The following UBE2V1 variants were observed in gnomAD, a reference collection of about 807,000 sequenced individuals.
UBE2V1 encodes ubiquitin-conjugating enzyme E2 variant 1.
In UBE2V1, 15 loss-of-function variants were observed where a neutral mutation model predicts 19.6. The ratio of observed to expected loss-of-function variants is 0.77; its 90% CI spans 0.51 to 1.18. UBE2V1 has a LOEUF of 1.18. UBE2V1 is among the 50% of genes most tolerant of loss of function. The pLI is 0.00. For synonymous variants in UBE2V1, 60 were observed against 60.7 expected (o/e 0.99, Z 0.05); for missense variants, 125 against 184.8 (o/e 0.68, Z 1.88).
intron 1 of UBE2V1, among the ~76,000 whole-genome samples, chr20:50,110,491 G>A (rs2080683011): frequency 2.0e-5 from 3 of 152,176 alleles, no homozygotes. Context: ...GACTAAGGAA[G>A]GCCTCTGGGC....
rs1277272254 is a variant in UBE2V1, at chr20:50,094,298, TA to T, written c.171+2373del. Among the ~76,000 whole-genome samples the T allele has an allele frequency of 2.1e-3, 167 of 81,118 alleles. 6 individuals carry two copies. Among genetic ancestry groups the T allele is most frequent in the African/African-American group, 7.5e-3 (121 of 16,050 alleles). The allele number at this position is 81,118 out of a possible 152,430, so 53.2% of individuals were successfully genotyped here. ...TATAATGCATTATATAATATATAAT[TA>T]TATATAATATATGTCCATCTTCAAA... On this transcript the variant is annotated intron_variant, in intron 2 of 3. Coordinates refer to ENST00000371674, the MANE Select transcript of UBE2V1 (RefSeq NM_001032288.3).
intron 1 of UBE2V1, among the ~76,000 whole-genome samples, chr20:50,100,285 T>TAAAAA (rs34807999): frequency 3.3e-5 from 4 of 122,190 alleles, no homozygotes; most frequent in Admixed American, 8.5e-5. Context: ...TGTCTCTATT[T>TAAAAA]AAAAAAAAAA....
At chr20:50,096,101 A>G (rs2079603172) in intron 2 of UBE2V1, 1 of 152,790 alleles carries the variant, frequency 6.5e-6, no homozygotes. Flanking sequence ...GGGAACTCTC[A>G]CAAATCAGGA....
intron 2 of UBE2V1, among the ~76,000 whole-genome samples, chr20:50,093,717 C>A (rs1037214826): frequency 6.6e-6 from 1 of 151,866 alleles, no homozygotes; most frequent in Non-Finnish European, 1.5e-5. Flanking sequence ...TCCGGCAGGG[C>A]GCGATGGCTC....
chr20:50,097,698 C>T (rs1250631222), intron 1 of UBE2V1, among the ~76,000 whole-genome samples: 2 of 152,174 alleles, frequency 1.3e-5, no homozygotes, highest in African/African-American at 2.4e-5. Context: ...CTGGCATATG[C>T]ACTATTTTCT....
rs951414514 is a variant in UBE2V1, at chr20:50,086,838, G to A, written c.172-2584C>T. Among the ~76,000 whole-genome samples, 9 of 152,242 alleles carry A rather than the reference G, an allele frequency of 5.9e-5. 1 individual carries two copies. Among genetic ancestry groups the A allele is most frequent in the African/African-American group, 2.2e-4 (9 of 41,464 alleles). On this transcript the variant is annotated intron_variant, in intron 2 of 3. Transcript: ENST00000371674. ...CACGCCTGTAATCCCAGCACTTCGG[G>A]AAGCCGAGACAGGCGGATCACAAGG...
chr20:50,103,997 T>TA (rs1188954712), intron 1 of UBE2V1, among the ~76,000 whole-genome samples: 1 of 148,776 alleles, frequency 6.7e-6, no homozygotes, highest in Admixed American at 6.6e-5. Context: ...GAAATGGCAG[T>TA]ATCAGGCCAG....
At chr20:50,096,052 T>C (rs1253713496) in intron 2 of UBE2V1, 1 of 152,734 alleles carries the variant, frequency 6.5e-6, no homozygotes. Context: ...GGGTTTACTA[T>C]GTGTCCTCAA....
intron 2 of UBE2V1, among the ~76,000 whole-genome samples, chr20:50,087,641 G>A (rs780266647): frequency 3.3e-5 from 5 of 152,168 alleles, no homozygotes. Flanking sequence ...TTGTGGAGCC[G>A]TTTGGCAGTG....
intron 1 of UBE2V1, chr20:50,111,387 C>T: frequency 4.0e-6 from 4 of 1,000,182 alleles, no homozygotes; most frequent in Non-Finnish European, 4.8e-6. Flanking sequence ...TGAGCTGCAA[C>T]AGCACCTTAT....
chr20:50,092,159 T>A (rs2079271787), intron 2 of UBE2V1, among the ~76,000 whole-genome samples: 1 of 151,128 alleles, frequency 6.6e-6, no homozygotes. Context: ...CTGTCTCTAC[T>A]AAAAATATAA....
chr20:50,112,568 AC>A (rs2080828714), intron 1 of UBE2V1, among the ~76,000 whole-genome samples: 1 of 151,936 alleles, frequency 6.6e-6, no homozygotes, highest in South Asian at 2.1e-4. Flanking sequence ...CATCTCTAAA[AC>A]TAACGCCGGA....
chr20:50,101,992 C>CG (rs1280503133), intron 1 of UBE2V1, among the ~76,000 whole-genome samples: 1 of 152,088 alleles, frequency 6.6e-6, no homozygotes, highest in Non-Finnish European at 1.5e-5. Context: ...TAAGGGTAAT[C>CG]GGGGGGAGCT....
upstream of UBE2V1, chr20:50,115,418 T>C (rs367965834): frequency 2.8e-6 from 4 of 1,423,564 alleles, no homozygotes; most frequent in African/African-American, 5.8e-5. Context: ...ATACTTGCCC[T>C]GGACTTGGGG....
At chr20:50,111,522 G>C (rs936382871) in intron 1 of UBE2V1, 1 of 1,000,234 alleles carries the variant, frequency 1.0e-6, no homozygotes, top group Non-Finnish European at 1.2e-6. Context: ...GAGTGCCTGG[G>C]GCAGCGTCAT....
In UBE2V1 at chr20:50,081,916, A is replaced by T; in HGVS notation, c.*852T>A. The T allele has an allele frequency of 3.9e-6, 1 of 258,994 alleles. No individual in the cohort carries two copies. The highest frequency in any genetic ancestry group is 5.4e-5 in the Admixed American group (1 of 18,578). 16.0% of individuals were successfully genotyped at this position (258,994 alleles called of 1,614,324 possible). The stretch of plus-strand genomic sequence containing the variant: ...CAATATTCATTTCCCAGGCTGGTGG[A>T]GAGTGAGTGAGTATGGTTCCAAAAC... On this transcript the variant is annotated 3_prime_UTR_variant, in exon 4 of 4. Coordinates refer to ENST00000371674, the MANE Select transcript of UBE2V1 (RefSeq NM_001032288.3).
chr20:50,089,198 T>C (rs953171900), intron 2 of UBE2V1, among the ~76,000 whole-genome samples: 4 of 152,064 alleles, frequency 2.6e-5, no homozygotes, highest in Non-Finnish European at 5.9e-5. Context: ...GAGGGGGGGA[T>C]AAGCTGGAGT....
In UBE2V1 at chr20:50,106,762, G is replaced by C. The variant is rs564732159; in HGVS notation, c.22+6345C>G. ...GAGAATCACTTGAACCTGAACCTGGGAGGCAGAGGTTGCGGTGAGCCAAGA... is the reference window on the plus strand; with the variant it reads ...GAGAATCACTTGAACCTGAACCTGGCAGGCAGAGGTTGCGGTGAGCCAAGA... On this transcript the variant is annotated intron_variant, in intron 1 of 3. Coordinates refer to ENST00000371674, the MANE Select transcript of UBE2V1 (RefSeq NM_001032288.3). Among the ~76,000 whole-genome samples the C allele has an allele frequency of 1.6e-4, 24 of 152,050 alleles. No individual in the cohort carries two copies. In the East Asian group the frequency reaches 4.3e-3, roughly 27 times the overall value.
rs1240003244 is a variant in UBE2V1, at chr20:50,081,256, T to C, written c.*1512A>G. 8 of 151,832 alleles carry C rather than the reference T, an allele frequency of 5.3e-5. No homozygotes were observed. In the Admixed American group the frequency reaches 5.3e-4, roughly 10 times the overall value. 9.4% of individuals were successfully genotyped at this position (151,832 alleles called of 1,614,324 possible). On this transcript the variant is annotated 3_prime_UTR_variant, in exon 4 of 4. Coordinates refer to ENST00000371674, the MANE Select transcript of UBE2V1 (RefSeq NM_001032288.3). ...TGTTAAATCCTTAGAACTAAGGTTT[T>C]CCCCCCAGAAAAAGATTAATGGAAA...
Sources: gnomAD v4.1 joint callset for allele counts (sites outside exome capture counted in the v4.1 genomes callset) on GRCh38, gnomAD v4.1.1 for gene constraint, MANE v1.5 for transcripts, NCBI Gene and HGNC (gene_info 2026-07-23, HGNC 2026-07-21) for gene names.